The following SELENOI variants were observed in gnomAD, a reference collection of about 807,000 sequenced individuals.
SELENOI encodes the protein ethanolaminephosphotransferase 1.
A neutral mutation model predicts 50.7 loss-of-function variants in SELENOI; 24 were observed. The observed-to-expected ratio is 0.47, with a 90% CI of 0.34 to 0.67. The LOEUF (loss-of-function observed/expected upper bound fraction) is 0.67, where lower values mean the gene tolerates loss of function less well. Among genes scored for constraint, SELENOI ranks in the 30% least tolerant of loss-of-function variants. The pLI is 0.01. For missense variants in SELENOI, 352 were observed against 461.4 expected (o/e 0.76, Z 2.17); for synonymous variants, 155 against 170.2 (o/e 0.91, Z 0.70).
chr2:26,371,884 GGGGAGAGGGAGA>G (rs777717594), intron 4 of SELENOI, among the ~76,000 whole-genome samples: 27 of 150,956 alleles, frequency 1.8e-4, no homozygotes, highest in African/African-American at 5.4e-4. Flanking sequence ...GGGAGACCAT[GGGGAGAGGGAGA>G]GGGAGAGGGA....
intron 5 of SELENOI, among the ~76,000 whole-genome samples, chr2:26,374,130 C>T (rs1422980516): frequency 3.9e-5 from 6 of 152,024 alleles, no homozygotes; most frequent in South Asian, 4.1e-4. Flanking sequence ...ATAAAAGCTT[C>T]CTTTAAAAAA....
chr2:26,377,384 CTT>C (rs1214105970), intron 6 of SELENOI, among the ~76,000 whole-genome samples: 1 of 152,038 alleles, frequency 6.6e-6, no homozygotes, highest in Non-Finnish European at 1.5e-5. Flanking sequence ...AGTCCCAGCA[CTT>C]TGAGAGGCTG....
At chr2:26,365,589 A>T (rs1263131027) in intron 3 of SELENOI, among the ~76,000 whole-genome samples, 1 of 152,214 alleles carries the variant, frequency 6.6e-6, no homozygotes, top group Admixed American at 6.5e-5. Context: ...ATTGAGAGGA[A>T]TAGAAAGTTG....
rs547044069 is a variant in SELENOI, at chr2:26,360,203, T to C, written c.58-4099T>C. ...CATGGAAGGTTCAAGTCATTCTTCTTCTTGTGGGTTCTTAAGACAGTTTAG... is the reference window on the plus strand; with the variant it reads ...CATGGAAGGTTCAAGTCATTCTTCTCCTTGTGGGTTCTTAAGACAGTTTAG... On this transcript the variant is annotated intron_variant, in intron 1 of 9. Transcript: ENST00000260585. Among the ~76,000 whole-genome samples the C allele has an allele frequency of 5.3e-5, 8 of 152,342 alleles. No individual in the cohort carries two copies. The South Asian group carries it at 1.0e-3, about 20-fold the overall frequency.
chr2:26,363,467 CATA>C (rs1677224421), intron 1 of SELENOI, among the ~76,000 whole-genome samples: 1 of 152,126 alleles, frequency 6.6e-6, no homozygotes, highest in South Asian at 2.1e-4. Flanking sequence ...GCTGATCCTG[CATA>C]ATAAGTGAGG....
At chr2:26,356,741 C>G (rs577222233) in intron 1 of SELENOI, among the ~76,000 whole-genome samples, 1 of 152,094 alleles carries the variant, frequency 6.6e-6, no homozygotes, top group East Asian at 1.9e-4. Context: ...TCTTAAGGAC[C>G]ATTTTTTGTT....
At chr2:26,386,559 G>C in intron 9 of SELENOI, 23 bp downstream of exon 9, 1 of 1,527,054 alleles carries the variant, frequency 6.5e-7, no homozygotes, top group Non-Finnish European at 8.8e-7. Context: ...CAGCAAAATG[G>C]GTTCAATTTG....
rs1677255758 is a variant in SELENOI at position 26,364,904 on chromosome 2, C to A, written c.199C>A (p.Leu67Ile). The stretch of plus-strand genomic sequence containing the variant: ...TCTGCTGGTCGTATTCAATTTTCTG[C>A]TAATGGCATACTTTGATCCTGACTT... ...GFLLVVFNFL[L>I]MAYFDPDFYA... Residue 67 changes from leucine to isoleucine, a missense_variant, in exon 3 of 10, where the codon CTA becomes ATA. Coordinates refer to ENST00000260585, the MANE Select transcript of SELENOI (RefSeq NM_033505.4). 6.2e-7 allele frequency: 1 copy of A among 1,609,908 alleles called. No homozygotes were observed. Among genetic ancestry groups the A allele is most frequent in the Admixed American group, 1.7e-5 (1 of 59,678 alleles).
chr2:26,367,548 A>AG (rs1677312077), intron 4 of SELENOI, among the ~76,000 whole-genome samples: 1 of 152,236 alleles, frequency 6.6e-6, no homozygotes. Context: ...CCTGCTATAA[A>AG]GACACAGTTG....
chr2:26,378,895 G>A (rs1489784794), intron 6 of SELENOI, among the ~76,000 whole-genome samples: 1 of 152,112 alleles, frequency 6.6e-6, no homozygotes, highest in East Asian at 1.9e-4. Context: ...TAAATGATAA[G>A]GTTTTCTGTA....
chr2:26,371,198 G>A (rs1462287550), intron 4 of SELENOI, among the ~76,000 whole-genome samples: 9 of 151,098 alleles, frequency 6.0e-5, no homozygotes, highest in Non-Finnish European at 1.3e-4. Context: ...CTGCCGGGCG[G>A]AGATGCTCCT....
chr2:26,346,744 G>GTCTC (rs972520112), intron 1 of SELENOI: 1 of 157,174 alleles, frequency 6.4e-6, no homozygotes. Context: ...TCCTGCTGAT[G>GTCTC]TCTCCACTTC....
intron 7 of SELENOI, 127 bp from the exon 8 acceptor site, chr2:26,384,832 G>T: frequency 1.6e-6 from 1 of 620,672 alleles, no homozygotes; most frequent in Non-Finnish European, 2.5e-6. Flanking sequence ...TGTTGGTTCT[G>T]TCTATGCCAC....
Position 26,392,569 on chromosome 2 carries a change from G to C in SELENOI, c.*3466G>C, listed in dbSNP as rs1677993628. The C allele has an allele frequency of 6.6e-6, 1 of 152,218 alleles. No homozygotes were observed. The highest frequency in any genetic ancestry group is 1.5e-5 in the Non-Finnish European group (1 of 68,056). 9.4% of individuals were successfully genotyped at this position (152,218 alleles called of 1,614,324 possible). A position where few individuals can be genotyped will look rare whatever the true frequency, so the allele number is the denominator to read the frequency against. On this transcript the variant is annotated 3_prime_UTR_variant, in exon 10 of 10. Coordinates refer to ENST00000260585, the MANE Select transcript of SELENOI (RefSeq NM_033505.4). ...GACAGAGGCTGCCCACTCAGGTCTT[G>C]CCTTGTTGCCCCTAGATGTTGCCAC... is the stretch of plus-strand genomic sequence containing the variant.
chr2:26,358,779 T>A (rs929925541), intron 1 of SELENOI, among the ~76,000 whole-genome samples: 21 of 152,322 alleles, frequency 1.4e-4, no homozygotes, highest in Admixed American at 1.2e-3. Context: ...CAAGCTCATA[T>A]TAGCATAGAG....
intron 6 of SELENOI, among the ~76,000 whole-genome samples, chr2:26,379,464 T>G (rs1677638694): frequency 6.6e-6 from 1 of 152,080 alleles, no homozygotes; most frequent in Non-Finnish European, 1.5e-5. Context: ...TCTGTGAGCT[T>G]ATTTTGATAC....
chr2:26,389,281 C>CTATTT lies in SELENOI; in HGVS notation c.*185_*189dup. Reference sequence around the variant, plus strand: ...AATTTTGGACCTACTAACTCTAAGCCTATTTTATTTTTTATAAAACTATGT... The same window carrying CTATTT: ...AATTTTGGACCTACTAACTCTAAGCCTATTTTATTTTATTTTTTATAAAACTATGT... On this transcript the variant is annotated 3_prime_UTR_variant, in exon 10 of 10. Coordinates refer to ENST00000260585, the MANE Select transcript of SELENOI (RefSeq NM_033505.4). 2 of 531,870 alleles carry CTATTT rather than the reference C, an allele frequency of 3.8e-6. No homozygotes were observed. Among genetic ancestry groups the CTATTT allele is most frequent in the Non-Finnish European group, 6.7e-6 (2 of 298,968 alleles). 32.9% of individuals were successfully genotyped at this position (531,870 alleles called of 1,614,324 possible).
chr2:26,384,889 A>T, intron 7 of SELENOI, 70 bp from the exon 8 acceptor site: 1 of 1,079,742 alleles, frequency 9.3e-7, no homozygotes, highest in Non-Finnish European at 1.3e-6. Flanking sequence ...GGAAACTATA[A>T]ACTACAGTAC....
intron 1 of SELENOI, among the ~76,000 whole-genome samples, chr2:26,350,334 T>G (rs904065854): frequency 2.6e-5 from 4 of 152,136 alleles, no homozygotes; most frequent in African/African-American, 7.2e-5. Context: ...TACTAGTTCC[T>G]GAAAATTTCA....
Sources: gnomAD v4.1 joint callset for allele counts (sites outside exome capture counted in the v4.1 genomes callset) on GRCh38, gnomAD v4.1.1 for gene constraint, MANE v1.5 for transcripts, NCBI Gene and HGNC (gene_info 2026-07-23, HGNC 2026-07-21) for gene names.